Variants in GABRB3 observed in about 807,000 individuals in gnomAD.
GABRB3 encodes gamma-aminobutyric acid type A receptor subunit beta3.
Under a neutral mutation model 52.1 loss-of-function variants are expected in GABRB3, and 14 were observed. The ratio of observed to expected loss-of-function variants is 0.27; its 90% CI spans 0.18 to 0.42. The LOEUF is 0.42. GABRB3 is among the 10% of genes least tolerant of loss of function. The probability of loss-of-function intolerance (pLI) is 1.00; values close to 1 mark genes in which losing one functional copy is unlikely to be tolerated. For missense variants in GABRB3, 307 were observed against 609.1 expected (o/e 0.50, Z 5.22); for synonymous variants, 260 against 232.3 (o/e 1.12, Z -1.08).
At chr15:26,727,240 G>A (rs755297126) in intron 3 of GABRB3, among the ~76,000 whole-genome samples, 10 of 152,138 alleles carry the variant, frequency 6.6e-5, no homozygotes, top group East Asian at 1.9e-4. Flanking sequence ...GATTCCTGTC[G>A]AATGACGACT....
At chr15:26,647,874 G>C (rs983988288) in intron 3 of GABRB3, among the ~76,000 whole-genome samples, 1 of 152,166 alleles carries the variant, frequency 6.6e-6, no homozygotes, top group African/African-American at 2.4e-5. Flanking sequence ...TAGTCGAGGA[G>C]GAAAAGCGGT....
intron 4 of GABRB3, among the ~76,000 whole-genome samples, chr15:26,602,493 G>T (rs1313332511): frequency 1.3e-5 from 2 of 152,174 alleles, no homozygotes; most frequent in South Asian, 2.1e-4. Context: ...CATTCTTAGG[G>T]ATAGATCATA....
chr15:26,624,468 G>T (rs140501310), intron 3 of GABRB3: 1 of 985,496 alleles, frequency 1.0e-6, no homozygotes, highest in African/African-American at 1.7e-5. Context: ...AGAAGGGAGA[G>T]AACTTGTCAG....
chr15:26,615,983 G>A, intron 4 of GABRB3: 1 of 1,289,190 alleles, frequency 7.8e-7, no homozygotes, highest in African/African-American at 1.5e-5. Flanking sequence ...CCAGCTCTCT[G>A]CAAACCTTCC....
chr15:26,741,579 C>T (rs778456301), intron 3 of GABRB3, among the ~76,000 whole-genome samples: 1 of 152,086 alleles, frequency 6.6e-6, no homozygotes, highest in Non-Finnish European at 1.5e-5. Flanking sequence ...TTTATGACTG[C>T]AGCATCATGT....
chr15:26,601,498 A>C (rs569870166), intron 4 of GABRB3, among the ~76,000 whole-genome samples: 1 of 152,352 alleles, frequency 6.6e-6, no homozygotes, highest in Admixed American at 6.5e-5. Flanking sequence ...AGAAAGAAAC[A>C]AAGTATCTAC....
intron 3 of GABRB3, among the ~76,000 whole-genome samples, chr15:26,727,158 CA>C (rs1311045097): frequency 6.6e-6 from 1 of 152,014 alleles, no homozygotes; most frequent in African/African-American, 2.4e-5. Flanking sequence ...GACTCGGTCT[CA>C]GGAAAAAAGA....
intron 3 of GABRB3, among the ~76,000 whole-genome samples, chr15:26,683,538 A>G (rs1368078714): frequency 6.6e-6 from 1 of 152,202 alleles, no homozygotes; most frequent in Non-Finnish European, 1.5e-5. Context: ...ACACCTTTCC[A>G]TTGACCTCTA....
intron 3 of GABRB3, chr15:26,629,145 G>A (rs896515415): frequency 6.6e-6 from 10 of 1,515,934 alleles, no homozygotes; most frequent in African/African-American, 5.5e-5. Context: ...TCGGGGAGGC[G>A]CAGGGGCGGA....
intron 7 of GABRB3, among the ~76,000 whole-genome samples, chr15:26,564,473 G>A (rs748285105): frequency 3.9e-5 from 6 of 152,306 alleles, no homozygotes; most frequent in East Asian, 3.9e-4. Flanking sequence ...TCCCTCCCGC[G>A]TTGAGTCCAG....
chr15:26,667,724 CT>C (rs1595519355), intron 3 of GABRB3, among the ~76,000 whole-genome samples: 4 of 152,184 alleles, frequency 2.6e-5, no homozygotes, highest in Non-Finnish European at 5.9e-5. Flanking sequence ...CACCTGGGCA[CT>C]TGTTAGAAAT....
At chr15:26,593,981 A>AATATATATATATATATATATAT (rs61218096) in intron 4 of GABRB3, among the ~76,000 whole-genome samples, 1 of 133,970 alleles carries the variant, frequency 7.5e-6, no homozygotes, top group Non-Finnish European at 1.6e-5. Flanking sequence ...CTCATTTTAA[A>AATATATATATATATATATATAT]ATATATATAT....
At chr15:26,640,941 T>G (rs919629259) in intron 3 of GABRB3, among the ~76,000 whole-genome samples, 8 of 152,222 alleles carry the variant, frequency 5.3e-5, no homozygotes, top group Admixed American at 5.2e-4. Context: ...GGTAATTTAA[T>G]CAGTCATGAT....
chr15:26,648,106 A>T (rs1265977783), intron 3 of GABRB3, among the ~76,000 whole-genome samples: 2 of 151,896 alleles, frequency 1.3e-5, no homozygotes, highest in Non-Finnish European at 2.9e-5. Context: ...ACTCTCCATC[A>T]CCCCAACTGG....
chr15:26,632,676 C>T (rs541191700), intron 3 of GABRB3, among the ~76,000 whole-genome samples: 2 of 152,214 alleles, frequency 1.3e-5, no homozygotes, highest in East Asian at 1.9e-4. Flanking sequence ...TGTTTGCCGT[C>T]GGTGTTGAGT....
intron 3 of GABRB3, among the ~76,000 whole-genome samples, chr15:26,752,710 A>G (rs1256698965): frequency 6.6e-6 from 1 of 152,174 alleles, no homozygotes; most frequent in East Asian, 1.9e-4. Context: ...ATCACCTCAC[A>G]TCCTTAGCAT....
chr15:26,683,714 A>G (rs1392622430), intron 3 of GABRB3, among the ~76,000 whole-genome samples: 1 of 152,084 alleles, frequency 6.6e-6, no homozygotes, highest in Non-Finnish European at 1.5e-5. Flanking sequence ...ACATGCTCCT[A>G]GGGGGCAGGG....
At chr15:26,740,491 A>G (rs1253744563) in intron 3 of GABRB3, among the ~76,000 whole-genome samples, 1 of 151,982 alleles carries the variant, frequency 6.6e-6, no homozygotes, top group Non-Finnish European at 1.5e-5. Context: ...AAATGGCTGA[A>G]GGAGCACCTG....
intron 3 of GABRB3, among the ~76,000 whole-genome samples, chr15:26,730,619 C>G (rs900828126): frequency 6.6e-6 from 1 of 152,130 alleles, no homozygotes; most frequent in East Asian, 1.9e-4. Context: ...GACCATTATT[C>G]TTCCTTTACA....
Sources: allele counts gnomAD v4.1 joint callset (sites outside exome capture counted in the v4.1 genomes callset), GRCh38; gene constraint gnomAD v4.1.1; transcripts MANE v1.5; gene names NCBI Gene and HGNC (gene_info 2026-07-23, HGNC 2026-07-21).